Variants in PSMG2 observed in about 807,000 individuals in gnomAD.
PSMG2 encodes the protein CD40 ligand-activated specific transcript 3.
Under a neutral mutation model 31.5 loss-of-function variants are expected in PSMG2, and 21 were observed. That is an observed-to-expected ratio of 0.67 (90% CI 0.47 to 0.96). The LOEUF (loss-of-function observed/expected upper bound fraction) is 0.96. Ranked by LOEUF, PSMG2 falls within the 40% of genes least tolerant of loss-of-function variation. PSMG2 has a pLI of 0.00. For missense variants in PSMG2, 318 were observed against 321.2 expected (o/e 0.99, Z 0.08); for synonymous variants, 120 against 110.4 (o/e 1.09, Z -0.54).
Position 12,693,511 on chromosome 18 carries a change from A to G in PSMG2, c.-36-13039A>G, listed in dbSNP as rs1299274986. On this transcript the variant is annotated intron_variant, in intron 1 of 6. Transcript: ENST00000585331. ...CTTTATATGTCACATAAATATATGAATAACATGATTAAAACTCATGTATAC... is the reference window on the plus strand; with the variant it reads ...CTTTATATGTCACATAAATATATGAGTAACATGATTAAAACTCATGTATAC... Among the ~76,000 whole-genome samples, 5 of 152,348 alleles carry G rather than the reference A, an allele frequency of 3.3e-5. No homozygotes were observed. The East Asian group carries it at 9.6e-4, about 29-fold the overall frequency.
Position 12,718,611 on chromosome 18 carries a change from A to T in PSMG2, c.383A>T (p.Gln128Leu). 1.9e-6 allele frequency: 3 copies of T among 1,606,792 alleles called. No homozygotes were observed. The highest frequency in any genetic ancestry group is 2.6e-6 in the Non-Finnish European group (3 of 1,175,020). Reference sequence around the variant, plus strand: ...GTTCTTTCAAGCAGTCATTCATATCAGCGTAATGATCTGCAGCTTCGTAGG... The same window carrying T: ...GTTCTTTCAAGCAGTCATTCATATCTGCGTAATGATCTGCAGCTTCGTAGG... Reference protein sequence around the residue: ...VIVLSSSHSYQRNDLQLRSTP... With the variant: ...VIVLSSSHSYLRNDLQLRSTP... The change falls in exon 4 of 7, where the codon CAG becomes CTG. Residue 128 changes from glutamine to leucine, a missense_variant. Transcript: ENST00000317615.
At chr18:12,680,865 A>C in intron 1 of PSMG2, 1 of 1,552,530 alleles carries the variant, frequency 6.4e-7, no homozygotes, top group Non-Finnish European at 8.8e-7. Context: ...TCATTCTTCC[A>C]TATTATTTCC....
In PSMG2 at chr18:12,712,769, G is replaced by A. The variant is rs368429563; in HGVS notation, c.288+9G>A. The A allele has an allele frequency of 1.7e-5, 27 of 1,593,698 alleles. No homozygotes were observed. Among genetic ancestry groups the A allele is most frequent in the Non-Finnish European group, 2.3e-5 (27 of 1,166,242 alleles). ...GATCCATTTTTATTAAGGTTAGTATGTTGTAGTTTGCCTTTTTGTTTATTA... is the reference window on the plus strand; with the variant it reads ...GATCCATTTTTATTAAGGTTAGTATATTGTAGTTTGCCTTTTTGTTTATTA... On this transcript the variant is annotated intron_variant, in intron 3 of 6. Transcript: ENST00000317615.
upstream of PSMG2, among the ~76,000 whole-genome samples, chr18:12,702,200 G>A (rs2040180013): frequency 6.6e-6 from 1 of 152,206 alleles, no homozygotes; most frequent in Non-Finnish European, 1.5e-5. Context: ...CCGACTTCCA[G>A]AAGTCGCTCG....
intron 1 of PSMG2, among the ~76,000 whole-genome samples, chr18:12,676,108 T>C (rs1248368393): frequency 6.6e-6 from 1 of 152,126 alleles, no homozygotes; most frequent in East Asian, 1.9e-4. Context: ...TTTCCTCATT[T>C]TATATTCAAG....
Position 12,724,522 on chromosome 18 carries a change from C to G in PSMG2, c.605C>G (p.Ala202Gly). Residue 202 changes from alanine to glycine, a missense_variant, in exon 6 of 7, where the codon GCA becomes GGA. By Grantham distance (60) the Ala-to-Gly change is moderately conservative (BLOSUM62 0). Transcript: ENST00000317615. ...AGCTGTTCTAAAGAAATCCAAATGG[C>G]AGTTCTGCTGAAATTTGTTTCAGAA... Reference protein sequence around the residue: ...DESCSKEIQMAVLLKFVSEGD... With the variant: ...DESCSKEIQMGVLLKFVSEGD... The G allele has an allele frequency of 6.2e-7, 1 of 1,605,344 alleles. No homozygotes were observed. Among genetic ancestry groups the G allele is most frequent in the Non-Finnish European group, 8.5e-7 (1 of 1,176,452 alleles).
intron 5 of PSMG2, among the ~76,000 whole-genome samples, chr18:12,721,709 CTAT>C (rs1306688649): frequency 8.6e-5 from 13 of 151,388 alleles, no homozygotes; most frequent in African/African-American, 3.2e-4. Context: ...TTTCTATTCT[CTAT>C]TATTCTATTA....
rs906040044 is a variant in PSMG2, at chr18:12,720,617, T to C, written c.515T>C (p.Ile172Thr). ...GAAAAAAGCCGGTGCATTCCTGAAA[T>C]AGATGATTCCGAGTTTTGTATCCGC... ...EMEKSRCIPE[I>T]DDSEFCIRIP... Residue 172 changes from isoleucine (I) to threonine (T), a missense_variant, in exon 5 of 7, where the codon ATA (isoleucine) becomes ACA (threonine). Physicochemically the swap from Ile to Thr is moderately conservative, Grantham distance 89. Coordinates refer to ENST00000317615, the MANE Select transcript of PSMG2 (RefSeq NM_020232.5). 2 of 1,613,804 alleles carry C rather than the reference T, an allele frequency of 1.2e-6. No homozygotes were observed. The highest frequency in any genetic ancestry group is 8.5e-7 in the Non-Finnish European group (1 of 1,179,952).
chr18:12,668,501 G>A (rs1417809578), intron 1 of PSMG2, among the ~76,000 whole-genome samples: 4 of 145,330 alleles, frequency 2.8e-5, no homozygotes, highest in African/African-American at 1.0e-4. Context: ...TGGAGGCTAA[G>A]GCAGGAGAAT....
intron 1 of PSMG2, among the ~76,000 whole-genome samples, chr18:12,671,561 T>TA (rs1291736058): frequency 6.6e-6 from 1 of 151,564 alleles, no homozygotes; most frequent in African/African-American, 2.4e-5. Context: ...CTACTCTTTT[T>TA]AAAGTTTACT....
intron 1 of PSMG2, chr18:12,691,239 T>G: frequency 1.6e-6 from 1 of 628,720 alleles, no homozygotes; most frequent in Non-Finnish European, 2.5e-6. Flanking sequence ...AGCATTTTAT[T>G]TTACAAATAC....
chr18:12,682,125 A>G (rs1275018312), intron 1 of PSMG2, among the ~76,000 whole-genome samples: 6 of 152,234 alleles, frequency 3.9e-5, no homozygotes, highest in Non-Finnish European at 7.3e-5. Context: ...GAAAGCAAAA[A>G]TAACTATTTG....
chr18:12,696,357 G>C (rs997033319), intron 1 of PSMG2, among the ~76,000 whole-genome samples: 20 of 151,986 alleles, frequency 1.3e-4, no homozygotes, highest in African/African-American at 4.8e-4. Context: ...ACAAAAATTA[G>C]CTGGGTGTGG....
chr18:12,679,471 C>T (rs1335949324), intron 1 of PSMG2, among the ~76,000 whole-genome samples: 7 of 152,086 alleles, frequency 4.6e-5, no homozygotes, highest in Non-Finnish European at 8.8e-5. Flanking sequence ...GTGGAGCGTC[C>T]GTTTCCCAGT....
intron 1 of PSMG2, among the ~76,000 whole-genome samples, chr18:12,665,565 C>A (rs78543731): frequency 6.6e-6 from 1 of 152,108 alleles, no homozygotes; most frequent in Non-Finnish European, 1.5e-5. Flanking sequence ...CTCCTACTCT[C>A]GACCTAGCAA....
In PSMG2 at chr18:12,720,773, C is replaced by T. The variant is rs1253219761; in HGVS notation, c.581+90C>T. The T allele has an allele frequency of 9.9e-6, 13 of 1,317,730 alleles. No homozygotes were observed. In the South Asian group the frequency reaches 1.5e-4, roughly 16 times the overall value. 81.6% of individuals were successfully genotyped at this position (1,317,730 alleles called of 1,614,324 possible). A position where few individuals can be genotyped will look rare whatever the true frequency, so the allele number is the denominator to read the frequency against. Reference sequence around the variant, plus strand: ...TGAGATCGTGCCACTGCACTCTAGCCTGGGTGACAGAGCAAGACTCTGTCT... The same window carrying T: ...TGAGATCGTGCCACTGCACTCTAGCTTGGGTGACAGAGCAAGACTCTGTCT... On this transcript the variant is annotated intron_variant, in intron 5 of 6. Transcript: ENST00000317615.
chr18:12,699,235 T>C (rs1299734812), upstream of PSMG2: 12 of 1,411,926 alleles, frequency 8.5e-6, no homozygotes, highest in Non-Finnish European at 9.9e-6. Flanking sequence ...ATGAGGAAAC[T>C]GCCAAATAAC....
chr18:12,719,185 G>A (rs2040405887), intron 4 of PSMG2, among the ~76,000 whole-genome samples: 1 of 151,300 alleles, frequency 6.6e-6, no homozygotes, highest in South Asian at 2.1e-4. Flanking sequence ...TATTGGGATT[G>A]CATGTGTGAG....
At chr18:12,668,597 C>CAAAAAAAAAAAAAAAAAAAAA (rs752216074) in intron 1 of PSMG2, among the ~76,000 whole-genome samples, 6 of 72,830 alleles carry the variant, frequency 8.2e-5, no homozygotes, top group Non-Finnish European at 1.2e-4. Context: ...GATTCCATCT[C>CAAAAAAAAAAAAAAAAAAAAA]AAAAAAAAAA....
Sources: gnomAD v4.1 joint callset for allele counts (sites outside exome capture counted in the v4.1 genomes callset) on GRCh38, gnomAD v4.1.1 for gene constraint, MANE v1.5 for transcripts, NCBI Gene and HGNC (gene_info 2026-07-23, HGNC 2026-07-21) for gene names.